The following DHRSX variants were observed in gnomAD, a reference collection of about 807,000 sequenced individuals.
DHRSX encodes polyprenol dehydrogenase.
DHRSX carries 31 observed loss-of-function variants against 34.0 expected under a neutral mutation model. The observed-to-expected ratio is 0.91, with a 90% confidence interval of 0.69 to 1.23. The LOEUF (loss-of-function observed/expected upper bound fraction) is 1.23. Ranked by LOEUF, DHRSX falls within the 50% of genes most tolerant of loss-of-function variation. The pLI is 0.00. For missense variants in DHRSX, 414 were observed against 428.1 expected (o/e 0.97, Z 0.29); for synonymous variants, 201 against 183.8 (o/e 1.09, Z -0.76).
At chrX:2,310,714 GAC>G (rs1271198242) in intron 3 of DHRSX, among the ~76,000 whole-genome samples, 9 of 151,822 alleles carry the variant, frequency 5.9e-5, no homozygotes, top group African/African-American at 2.2e-4. Context: ...GAAAGATTGT[GAC>G]ACAGAAATAG....
At position 2,444,176 on chromosome X, in the gene DHRSX, G is replaced by A. The variant is rs189303012; in HGVS notation, c.110-18872C>T. On this transcript the variant is annotated intron_variant, in intron 1 of 6. Coordinates refer to ENST00000334651, the MANE Select transcript of DHRSX (RefSeq NM_145177.3). ...AGGCTGCTACTGTTTGTTTTTAGCC[G>A]TCTACTAAATTTCATTGATACATGT... 3.6e-3 allele frequency among the ~76,000 whole-genome samples: 540 copies of A among 152,036 alleles called. 1 individual carries two copies. The highest frequency in any genetic ancestry group is 0.012 in the African/African-American group (500 of 41,442).
intron 2 of DHRSX, 75 bp downstream of exon 2, chrX:2,425,122 C>G (rs773322329): frequency 8.6e-6 from 10 of 1,159,134 alleles, no homozygotes; most frequent in Non-Finnish European, 1.3e-5. Context: ...CACGGGTTGA[C>G]GGACTGCGAT....
intron 4 of DHRSX, among the ~76,000 whole-genome samples, chrX:2,270,375 A>G (rs1235649457): frequency 6.6e-6 from 1 of 152,164 alleles, no homozygotes; most frequent in Non-Finnish European, 1.5e-5. Flanking sequence ...GAATTACGAG[A>G]CAGTTAATGA....
intron 4 of DHRSX, among the ~76,000 whole-genome samples, chrX:2,275,081 G>T (rs1400549905): frequency 2.6e-5 from 4 of 152,102 alleles, no homozygotes; most frequent in African/African-American, 9.7e-5. Flanking sequence ...AAATTCAAAT[G>T]CCTGTAGGCT....
At chrX:2,263,158 G>A (rs1448337840) in intron 5 of DHRSX, among the ~76,000 whole-genome samples, 1 of 152,226 alleles carries the variant, frequency 6.6e-6, no homozygotes, top group Non-Finnish European at 1.5e-5. Context: ...TAGGGCTGCA[G>A]AGAAATTCAA....
chrX:2,419,086 G>T (rs953270014), intron 2 of DHRSX, among the ~76,000 whole-genome samples: 59 of 152,260 alleles, frequency 3.9e-4, no homozygotes, highest in African/African-American at 1.4e-3. Context: ...TGCATCTAGA[G>T]GGGGCGCAAT....
At chrX:2,224,877 ACACG>A (rs2015606714) in intron 6 of DHRSX, among the ~76,000 whole-genome samples, 1 of 145,134 alleles carries the variant, frequency 6.9e-6, no homozygotes, top group African/African-American at 2.6e-5. Flanking sequence ...CACACAGCTC[ACACG>A]CACACATGCT....
chrX:2,345,688 A>G (rs1289429432), intron 3 of DHRSX, among the ~76,000 whole-genome samples: 1 of 149,654 alleles, frequency 6.7e-6, no homozygotes, highest in African/African-American at 2.5e-5. Flanking sequence ...AAATCAGTAC[A>G]CTTTGAGTAA....
At chrX:2,360,421 A>G (rs1238956013) in intron 3 of DHRSX, among the ~76,000 whole-genome samples, 2 of 152,030 alleles carry the variant, frequency 1.3e-5, no homozygotes, top group African/African-American at 2.4e-5. Context: ...TGTCTCTACT[A>G]AAAATACAAA....
intron 2 of DHRSX, among the ~76,000 whole-genome samples, chrX:2,423,440 A>C (rs1424370230): frequency 2.6e-5 from 4 of 151,918 alleles, no homozygotes; most frequent in Non-Finnish European, 5.9e-5. Flanking sequence ...TAAATAAATA[A>C]AATGAGCTTG....
intron 3 of DHRSX, among the ~76,000 whole-genome samples, chrX:2,363,280 T>C (rs1023698709): frequency 3.5e-5 from 5 of 142,258 alleles, no homozygotes; most frequent in African/African-American, 1.1e-4. Context: ...TTATCACCGT[T>C]CTATGGTATC....
chrX:2,276,528 A>C (rs1350980195), intron 4 of DHRSX, among the ~76,000 whole-genome samples: 1 of 152,186 alleles, frequency 6.6e-6, no homozygotes. Flanking sequence ...AAAGGTGGAA[A>C]ATACGCAATA....
At chrX:2,402,880 T>C (rs2043503893) in intron 3 of DHRSX, among the ~76,000 whole-genome samples, 1 of 145,416 alleles carries the variant, frequency 6.9e-6, no homozygotes, top group African/African-American at 2.7e-5. Context: ...CTTTAATTGG[T>C]TTCTTTTTTT....
At chrX:2,331,435 G>GTTTTTTT (rs2042471374) in intron 3 of DHRSX, among the ~76,000 whole-genome samples, 1 of 57,892 alleles carries the variant, frequency 1.7e-5, no homozygotes, top group Non-Finnish European at 3.6e-5. Context: ...AAGGTTTTTT[G>GTTTTTTT]GTTTTTTTTT....
intron 3 of DHRSX, among the ~76,000 whole-genome samples, chrX:2,324,194 G>A (rs187498690): frequency 4.6e-5 from 7 of 152,100 alleles, no homozygotes; most frequent in Non-Finnish European, 1.0e-4. Context: ...AGGGTAAGAA[G>A]GACCCATTTC....
Position 2,292,030 on chromosome X carries a change from A to T in DHRSX, c.287-427T>A, listed in dbSNP as rs35178888. ...GCTGGGATTACAGGCGTGAGCCACC[A>T]CGCCTGTCCAGGAAGTAACACTGAA... On this transcript the variant is annotated intron_variant, in intron 3 of 6. Transcript: ENST00000334651. Among the ~76,000 whole-genome samples, 285 of 150,916 alleles carry T rather than the reference A, an allele frequency of 1.9e-3. 2 individuals are homozygous for T. Among genetic ancestry groups the T allele is most frequent in the African/African-American group, 6.6e-3 (270 of 40,988 alleles).
chrX:2,245,195 C>T (rs1256391365), intron 5 of DHRSX, among the ~76,000 whole-genome samples: 10 of 152,130 alleles, frequency 6.6e-5, no homozygotes, highest in Non-Finnish European at 1.3e-4. Context: ...TATCTGATCA[C>T]CTCCTTTGGG....
chrX:2,468,731 CTT>C (rs761381775), intron 1 of DHRSX, among the ~76,000 whole-genome samples: 10 of 151,416 alleles, frequency 6.6e-5, no homozygotes, highest in African/African-American at 2.4e-4. Flanking sequence ...GCACTGAAGA[CTT>C]TCCCTAGGGA....
intron 4 of DHRSX, among the ~76,000 whole-genome samples, chrX:2,276,101 CAA>C (rs1273790938): frequency 6.6e-6 from 1 of 152,212 alleles, no homozygotes; most frequent in Non-Finnish European, 1.5e-5. Context: ...GTCGGCCTCC[CAA>C]AGTGCTGGGA....
Sources: gnomAD v4.1 joint callset for allele counts (sites outside exome capture counted in the v4.1 genomes callset) on GRCh38, gnomAD v4.1.1 for gene constraint, MANE v1.5 for transcripts, NCBI Gene and HGNC (gene_info 2026-07-23, HGNC 2026-07-21) for gene names.